DZANK1: variants seen among roughly 807,000 people sequenced by gnomAD.
DZANK1 encodes the protein double zinc ribbon and ankyrin repeat-containing protein 1.
In DZANK1, 91 loss-of-function variants were observed where a neutral mutation model predicts 94.5. The observed-to-expected ratio is 0.96, with a 90% CI of 0.81 to 1.15. DZANK1 has a LOEUF of 1.15. Ranked by LOEUF, DZANK1 falls within the 50% of genes most tolerant of loss-of-function variation. The pLI is 0.00. For missense variants in DZANK1, 903 were observed against 916.4 expected, an observed-to-expected ratio of 0.99 and a Z score of 0.19; for synonymous variants, 312 against 325.3, an observed-to-expected ratio of 0.96 and a Z score of 0.44.
At chr20:18,443,100 A>G (rs552453929) in intron 8 of DZANK1, among the ~76,000 whole-genome samples, 1 of 152,334 alleles carries the variant, frequency 6.6e-6, no homozygotes, top group East Asian at 1.9e-4. Flanking sequence ...TTATCCATGC[A>G]TGCCTCATTA....
chr20:18,393,748 T>G, exon 17 of DZANK1: 2 of 1,613,328 alleles, frequency 1.2e-6, no homozygotes, highest in Non-Finnish European at 1.7e-6. Context: ...AGTTTTGGTC[T>G]TGAAATTCTT....
At chr20:18,432,873 G>T (rs1024065905) in intron 9 of DZANK1, 2 of 152,200 alleles carry the variant, frequency 1.3e-5, no homozygotes, top group Non-Finnish European at 2.9e-5. Context: ...AATGTTCACA[G>T]TATGATATCA....
intron 12 of DZANK1, chr20:18,413,145 A>G: frequency 2.2e-6 from 1 of 448,306 alleles, no homozygotes; most frequent in African/African-American, 2.0e-5. Flanking sequence ...CTGTAATCCA[A>G]TAGAGCATAG....
intron 10 of DZANK1, among the ~76,000 whole-genome samples, chr20:18,418,918 G>C (rs962589152): frequency 2.6e-5 from 4 of 152,132 alleles, no homozygotes; most frequent in Non-Finnish European, 5.9e-5. Flanking sequence ...AAGTGAACTG[G>C]AGGATAGATC....
intron 19 of DZANK1, among the ~76,000 whole-genome samples, chr20:18,385,518 C>T (rs775985912): frequency 7.9e-5 from 12 of 151,820 alleles, no homozygotes; most frequent in African/African-American, 2.7e-4. Flanking sequence ...CAGGTTCAAG[C>T]GATTCTCCTG....
chr20:18,421,255 C>A (rs1411284532), intron 10 of DZANK1: 1 of 169,570 alleles, frequency 5.9e-6, no homozygotes, highest in South Asian at 1.8e-4. Context: ...TTTTGGATTT[C>A]ATCTACATCC....
intron 7 of DZANK1, among the ~76,000 whole-genome samples, chr20:18,446,530 T>A (rs965663906): frequency 1.3e-5 from 2 of 152,282 alleles, no homozygotes; most frequent in Middle Eastern, 3.4e-3. Context: ...TAAATGCCTA[T>A]GCTAGAAAAG....
chr20:18,405,769 T>C (rs1444338162), intron 13 of DZANK1, among the ~76,000 whole-genome samples: 1 of 152,210 alleles, frequency 6.6e-6, no homozygotes, highest in Non-Finnish European at 1.5e-5. Flanking sequence ...TAACTTCATA[T>C]TGTGAAAAGA....
At position 18,433,800 on chromosome 20, in the gene DZANK1, T is replaced by C. The variant is rs1031327588; in HGVS notation, c.748-35A>G. The C allele has an allele frequency of 3.8e-6, 6 of 1,573,230 alleles. No homozygotes were observed. In the African/African-American group the frequency reaches 8.1e-5, roughly 21 times the overall value. ...GAAAAGGTCTGGTTTATCTTGCACA[T>C]AAAAACTGAAGGTATGAATAGATCT... On this transcript the variant is annotated intron_variant, in intron 8 of 20. Coordinates refer to ENST00000262547, the Ensembl canonical transcript of DZANK1.
At chr20:18,415,566 T>TC in intron 10 of DZANK1, 117 bp from the exon 11 acceptor site, 5 of 1,106,672 alleles carry the variant, frequency 4.5e-6, no homozygotes, top group Non-Finnish European at 5.8e-6. Context: ...TAGTGTTTTT[T>TC]TTGTTTTGTT....
chr20:18,445,953 C>T (rs542734988), intron 7 of DZANK1, among the ~76,000 whole-genome samples: 21 of 148,852 alleles, frequency 1.4e-4, no homozygotes, highest in Non-Finnish European at 2.1e-4. Context: ...TTAGCAGAGA[C>T]GGGGTTTTGC....
At chr20:18,406,809 G>A (rs893360356) in intron 13 of DZANK1, among the ~76,000 whole-genome samples, 12 of 152,172 alleles carry the variant, frequency 7.9e-5, no homozygotes, top group African/African-American at 2.9e-4. Context: ...GGCCAGAGGG[G>A]AGCCCACTGC....
chr20:18,461,446 T>A (rs1329651165), intron 2 of DZANK1, among the ~76,000 whole-genome samples: 1 of 152,192 alleles, frequency 6.6e-6, no homozygotes, highest in East Asian at 1.9e-4. Flanking sequence ...ACATGGATCT[T>A]TAGGCTGTCT....
intron 8 of DZANK1, 75 bp downstream of exon 8, chr20:18,443,272 C>G: frequency 3.1e-6 from 3 of 978,828 alleles, no homozygotes; most frequent in South Asian, 2.8e-5. Flanking sequence ...TCATGTGTAC[C>G]AAGCACTGTG....
At chr20:18,387,459 C>A (rs2148130807) in intron 19 of DZANK1, among the ~76,000 whole-genome samples, 1 of 152,288 alleles carries the variant, frequency 6.6e-6, no homozygotes, top group Non-Finnish European at 1.5e-5. Flanking sequence ...CTTAAATTAC[C>A]TAATGGAATA....
rs142357054 is a variant in DZANK1, at chr20:18,454,751, G to A, written c.378+496C>T. ...GCTCCTGTGCAAGGCAATGAGTATG[G>A]CAACCATGCCACCTTGGAGCTTATA... On this transcript the variant is annotated intron_variant, in intron 4 of 20. Transcript: ENST00000262547. 977 of 155,824 alleles carry A rather than the reference G, an allele frequency of 6.3e-3. 10 individuals carry two copies. Among genetic ancestry groups the A allele is most frequent in the African/African-American group, 0.023 (939 of 41,574 alleles). 9.7% of individuals were successfully genotyped at this position (155,824 alleles called of 1,614,324 possible). A position where few individuals can be genotyped will look rare whatever the true frequency, so the allele number is the denominator to read the frequency against.
At chr20:18,406,500 A>G (rs1208785173) in intron 13 of DZANK1, among the ~76,000 whole-genome samples, 1 of 152,228 alleles carries the variant, frequency 6.6e-6, no homozygotes, top group Non-Finnish European at 1.5e-5. Context: ...AGCGGGATTG[A>G]TCGTCTGCTG....
chr20:18,449,212 C>A, intron 6 of DZANK1, 143 bp from the exon 7 acceptor site: 3 of 682,002 alleles, frequency 4.4e-6, no homozygotes, highest in Non-Finnish European at 7.2e-6. Context: ...ACACTATAGA[C>A]TCTAAAAGTG....
At position 18,449,070 on chromosome 20, in the gene DZANK1, C is replaced by A; in HGVS notation, c.544-1G>T. ...CGCTTACGTGTGCAAAACCGGGGGA[C>A]TAAAATTAAGAATATAGGTATAAAG... On this transcript the variant is annotated splice_acceptor_variant, in intron 6 of 20. Coordinates refer to ENST00000262547, the Ensembl canonical transcript of DZANK1. LOFTEE classifies it high-confidence loss of function. 6.2e-7 allele frequency: 1 copy of A among 1,612,704 alleles called. No homozygotes were observed. Among genetic ancestry groups the A allele is most frequent in the Non-Finnish European group, 8.5e-7 (1 of 1,179,146 alleles).
Sources: allele counts gnomAD v4.1 joint callset (sites outside exome capture counted in the v4.1 genomes callset), GRCh38; gene constraint gnomAD v4.1.1; transcripts MANE v1.5; gene names NCBI Gene and HGNC (gene_info 2026-07-23, HGNC 2026-07-21).